ESRRB: variants seen among roughly 807,000 people sequenced by gnomAD.
ESRRB encodes the protein estrogen related receptor beta, also known as steroid hormone receptor ERR2.
A neutral mutation model predicts 46.0 loss-of-function variants in ESRRB; 16 were observed. The observed-to-expected ratio is 0.35, with a 90% CI of 0.24 to 0.53. ESRRB has a LOEUF of 0.53. Among genes scored for constraint, ESRRB ranks in the 20% least tolerant of loss-of-function variants. The pLI, the probability that ESRRB is intolerant of heterozygous loss-of-function variation, is 0.93. For missense variants in ESRRB, 488 were observed against 607.4 expected (o/e 0.80, Z 2.07); for synonymous variants, 246 against 259.6 (o/e 0.95, Z 0.50).
At chr14:76,462,283 A>G (rs1888899285) in intron 2 of ESRRB, among the ~76,000 whole-genome samples, 1 of 152,190 alleles carries the variant, frequency 6.6e-6, no homozygotes, top group Non-Finnish European at 1.5e-5. Context: ...CCTGCCCAGA[A>G]GTGGCTTCAA....
At chr14:76,481,965 C>T (rs745974416) in intron 3 of ESRRB, 51 bp from the exon 4 acceptor site, 1 of 1,539,980 alleles carries the variant, frequency 6.5e-7, no homozygotes, top group South Asian at 1.1e-5. Context: ...GTGCTTCTAC[C>T]CTGGTGATGT....
intron 1 of ESRRB, among the ~76,000 whole-genome samples, chr14:76,405,291 T>C (rs554787000): frequency 6.6e-6 from 1 of 152,140 alleles, no homozygotes; most frequent in East Asian, 1.9e-4. Flanking sequence ...AATTTTTTTT[T>C]TGTAGAGACA....
chr14:76,440,725 C>T (rs1566900385), intron 2 of ESRRB, among the ~76,000 whole-genome samples: 1 of 149,968 alleles, frequency 6.7e-6, no homozygotes. Context: ...CTCTCTCTTT[C>T]TCTCTCTCTC....
chr14:76,447,540 G>C (rs1206298213), intron 2 of ESRRB, among the ~76,000 whole-genome samples: 1 of 151,964 alleles, frequency 6.6e-6, no homozygotes, highest in Non-Finnish European at 1.5e-5. Context: ...CACACCTAAT[G>C]AACATTTCCA....
intron 5 of ESRRB, among the ~76,000 whole-genome samples, chr14:76,484,941 A>G (rs1000517009): frequency 6.6e-6 from 1 of 152,222 alleles, no homozygotes; most frequent in African/African-American, 2.4e-5. Context: ...ACACCGGGTG[A>G]ATGGCAGAGA....
intron 2 of ESRRB, among the ~76,000 whole-genome samples, chr14:76,454,593 C>G (rs11845907): frequency 6.6e-6 from 1 of 151,906 alleles, no homozygotes; most frequent in African/African-American, 2.4e-5. Flanking sequence ...ATGGGAGGGC[C>G]GGGGGCTCCA....
intron 1 of ESRRB, among the ~76,000 whole-genome samples, chr14:76,404,199 T>C (rs1444003103): frequency 6.6e-6 from 1 of 152,028 alleles, no homozygotes; most frequent in East Asian, 1.9e-4. Context: ...TGTGCGCGCG[T>C]GCGTGTGTCT....
intron 1 of ESRRB, among the ~76,000 whole-genome samples, chr14:76,320,013 G>T (rs1028291611): frequency 1.5e-4 from 23 of 152,082 alleles, no homozygotes; most frequent in African/African-American, 5.6e-4. Context: ...GGAGAAAATG[G>T]ATATATGCTC....
At chr14:76,393,970 T>TA (rs1414534492) in intron 1 of ESRRB, among the ~76,000 whole-genome samples, 1 of 123,100 alleles carries the variant, frequency 8.1e-6, no homozygotes, top group Non-Finnish European at 1.8e-5. Flanking sequence ...CTGGCTAATT[T>TA]TTTTTTTTTT....
chr14:76,428,263 G>T (rs951381036), intron 1 of ESRRB, among the ~76,000 whole-genome samples: 1 of 152,078 alleles, frequency 6.6e-6, no homozygotes, highest in African/African-American at 2.4e-5. Flanking sequence ...CTCCCAAAGC[G>T]CTGGGATTAC....
intron 1 of ESRRB, among the ~76,000 whole-genome samples, chr14:76,399,911 G>A (rs1313880193): frequency 1.3e-5 from 2 of 152,156 alleles, no homozygotes; most frequent in Non-Finnish European, 2.9e-5. Context: ...AGGTCATATA[G>A]GTGTCCAGTG....
chr14:76,364,583 T>C (rs1488336893), intron 1 of ESRRB, among the ~76,000 whole-genome samples: 1 of 151,936 alleles, frequency 6.6e-6, no homozygotes, highest in Non-Finnish European at 1.5e-5. Flanking sequence ...TCCCAGTTAC[T>C]TGGGAGGCTG....
intron 1 of ESRRB, among the ~76,000 whole-genome samples, chr14:76,397,801 G>A (rs1885757541): frequency 6.6e-6 from 1 of 152,162 alleles, no homozygotes; most frequent in East Asian, 1.9e-4. Flanking sequence ...GGGGGCTTCT[G>A]AATAACCTCG....
chr14:76,400,067 G>C (rs571488770), intron 1 of ESRRB, among the ~76,000 whole-genome samples: 2 of 152,188 alleles, frequency 1.3e-5, no homozygotes, highest in Non-Finnish European at 2.9e-5. Context: ...TGCTTTGGCT[G>C]GGAGGGCCGA....
At chr14:76,365,270 T>C (rs1213608916) in intron 1 of ESRRB, among the ~76,000 whole-genome samples, 1 of 151,824 alleles carries the variant, frequency 6.6e-6, no homozygotes, top group African/African-American at 2.4e-5. Flanking sequence ...AGTCCAGGAG[T>C]TCAAGGCCAG....
intron 1 of ESRRB, among the ~76,000 whole-genome samples, chr14:76,313,387 T>C (rs887951386): frequency 1.3e-5 from 2 of 152,120 alleles, no homozygotes; most frequent in Non-Finnish European, 2.9e-5. Flanking sequence ...GTCTGCAAAA[T>C]CTAACCATTC....
intron 1 of ESRRB, among the ~76,000 whole-genome samples, chr14:76,349,855 A>G (rs1168997845): frequency 6.6e-6 from 1 of 152,114 alleles, no homozygotes; most frequent in African/African-American, 2.4e-5. Context: ...AAAAGGAAAG[A>G]GCCTTTGCAG....
chr14:76,317,310 C>CTGTGTGTGTGTGTGTG (rs4024313), intron 1 of ESRRB, among the ~76,000 whole-genome samples: 3 of 134,524 alleles, frequency 2.2e-5, no homozygotes, highest in South Asian at 5.2e-4. Flanking sequence ...TGATTAGGCT[C>CTGTGTGTGTGTGTGTG]TGTGTGTGTG....
chr14:76,373,120 A>C (rs988962737), upstream of ESRRB, among the ~76,000 whole-genome samples: 1 of 152,122 alleles, frequency 6.6e-6, no homozygotes, highest in African/African-American at 2.4e-5. Context: ...TACATCCTCC[A>C]CATTTACTGC....
Sources: gnomAD v4.1 joint callset for allele counts (sites outside exome capture counted in the v4.1 genomes callset) on GRCh38, gnomAD v4.1.1 for gene constraint, MANE v1.5 for transcripts, NCBI Gene and HGNC (gene_info 2026-07-23, HGNC 2026-07-21) for gene names.